The following SNRNP48 variants were observed in gnomAD, a reference collection of about 807,000 sequenced individuals.
SNRNP48 encodes the protein U11/U12 small nuclear ribonucleoprotein 48 kDa protein.
In SNRNP48, 43 loss-of-function variants were observed where a neutral mutation model predicts 47.0. The ratio of observed to expected loss-of-function variants is 0.92; its 90% CI spans 0.72 to 1.18. The LOEUF (loss-of-function observed/expected upper bound fraction) is 1.18, where lower values mean the gene tolerates loss of function less well. Among genes scored for constraint, SNRNP48 ranks in the 50% most tolerant of loss-of-function variants. The pLI is 0.00. For missense variants in SNRNP48, 396 were observed against 422.2 expected, an observed-to-expected ratio of 0.94 and a Z score of 0.54; for synonymous variants, 138 against 144.0, an observed-to-expected ratio of 0.96 and a Z score of 0.30.
At chr6:7,601,265 GATA>G in intron 4 of SNRNP48, 68 bp from the exon 5 acceptor site, 3 of 1,258,544 alleles carry the variant, frequency 2.4e-6, no homozygotes, top group South Asian at 3.0e-5. Context: ...CATGTTTAAA[GATA>G]ATTATTAGAT....
chr6:7,602,885 C>T (rs1297650728), intron 6 of SNRNP48, 141 bp downstream of exon 6: 1 of 626,874 alleles, frequency 1.6e-6, no homozygotes, highest in African/African-American at 1.9e-5. Flanking sequence ...TGTTCCATCA[C>T]TTCTAGATCC....
Position 7,594,122 on chromosome 6 carries a change from T to C in SNRNP48, c.294T>C (p.Phe98=). ...AGGATGAAATGTATAATCCTGAGTT[T>C]TTCTATGAAAATGTGAAGATACCTT... The part of the protein sequence containing the change: ...EEEDEMYNPE[F]FYENVKIPSI... Residue 98 remains phenylalanine, a synonymous_variant, in exon 3 of 9, where the codon TTT becomes TTC. Transcript: ENST00000342415. 1 of 1,432,216 alleles carries C rather than the reference T, an allele frequency of 7.0e-7. No individual in the cohort carries two copies. The highest frequency in any genetic ancestry group is 9.5e-7 in the Non-Finnish European group (1 of 1,056,482). The allele number at this position is 1,432,216 out of a possible 1,614,324, so 88.7% of individuals were successfully genotyped here.
chr6:7,608,147 G>A (rs1760166590), intron 8 of SNRNP48, among the ~76,000 whole-genome samples: 1 of 151,984 alleles, frequency 6.6e-6, no homozygotes, highest in South Asian at 2.1e-4. Context: ...CCAACCCTGG[G>A]GTGGACTGAA....
In SNRNP48 at chr6:7,594,140, G is replaced by A; in HGVS notation, c.312G>A (p.Lys104=). 1 of 1,405,608 alleles carries A rather than the reference G, an allele frequency of 7.1e-7. No individual in the cohort carries two copies. The highest frequency in any genetic ancestry group is 2.5e-5 in the East Asian group (1 of 40,268). 87.1% of individuals were successfully genotyped at this position (1,405,608 alleles called of 1,614,324 possible). ...CTGAGTTTTTCTATGAAAATGTGAA[G>A]ATACCTTCGATTACTTTGAGTAAGT... ...YNPEFFYENV[K]IPSITLNKDS... The change falls in exon 3 of 9, where the codon AAG becomes AAA. Residue 104 remains lysine, a synonymous_variant. Transcript: ENST00000342415.
intron 3 of SNRNP48, 91 bp from the exon 4 acceptor site, chr6:7,594,936 C>T: frequency 1.8e-6 from 2 of 1,082,124 alleles, no homozygotes; most frequent in Non-Finnish European, 2.7e-6. Flanking sequence ...TGTCCACGTG[C>T]CCAAAGGGCT....
chr6:7,593,896 CA>C, intron 2 of SNRNP48, 49 bp downstream of exon 2: 3 of 1,310,192 alleles, frequency 2.3e-6, no homozygotes, highest in Non-Finnish European at 3.1e-6. Context: ...ATGCATTTTA[CA>C]CATTAATTCA....
At chr6:7,591,775 A>G (rs1759823030) in intron 1 of SNRNP48, among the ~76,000 whole-genome samples, 2 of 152,246 alleles carry the variant, frequency 1.3e-5, no homozygotes, top group South Asian at 4.1e-4. Flanking sequence ...AGACGAGGAA[A>G]GGAACACAGA....
At chr6:7,595,669 T>C (rs1759892572) in intron 4 of SNRNP48, among the ~76,000 whole-genome samples, 1 of 152,174 alleles carries the variant, frequency 6.6e-6, no homozygotes, top group African/African-American at 2.4e-5. Flanking sequence ...AGTGTTGAAA[T>C]GCAGTGTAAA....
At chr6:7,594,323 T>C (rs549583934) in intron 3 of SNRNP48, among the ~76,000 whole-genome samples, 164 bp downstream of exon 3, 20 of 152,362 alleles carry the variant, frequency 1.3e-4, no homozygotes, top group African/African-American at 4.6e-4. Flanking sequence ...CTAATTCACA[T>C]AATCTGAAGT....
At chr6:7,605,010 T>A (rs1272829682) in intron 6 of SNRNP48, among the ~76,000 whole-genome samples, 1 of 148,770 alleles carries the variant, frequency 6.7e-6, no homozygotes, top group African/African-American at 2.4e-5. Context: ...TCATTGGCAC[T>A]CTCTCTCTCT....
At chr6:7,601,705 G>T (rs775837318) in intron 5 of SNRNP48, among the ~76,000 whole-genome samples, 181 bp downstream of exon 5, 1 of 152,110 alleles carries the variant, frequency 6.6e-6, no homozygotes, top group Non-Finnish European at 1.5e-5. Flanking sequence ...TTTGACCAAC[G>T]GTGGATTGAA....
At chr6:7,601,154 A>T (rs1402772091) in intron 4 of SNRNP48, 182 bp from the exon 5 acceptor site, 1 of 474,626 alleles carries the variant, frequency 2.1e-6, no homozygotes, top group African/African-American at 2.1e-5. Context: ...TGTGGATATA[A>T]CATTCAGGAT....
At chr6:7,604,345 C>T (rs893987131) in intron 6 of SNRNP48, among the ~76,000 whole-genome samples, 1 of 152,194 alleles carries the variant, frequency 6.6e-6, no homozygotes, top group South Asian at 2.1e-4. Context: ...GGTGGAAGAA[C>T]TAGCATTCTG....
In SNRNP48 at chr6:7,595,062, A is replaced by G; in HGVS notation, c.367A>G (p.Arg123Gly). 1.2e-6 allele frequency: 2 copies of G among 1,600,962 alleles called. No individual in the cohort carries two copies. Among genetic ancestry groups the G allele is most frequent in the Non-Finnish European group, 1.7e-6 (2 of 1,175,842 alleles). ...DSQFQIIKQA[R>G]TAVGKDSDCY... ...ACAATTCCAGATAATTAAACAAGCT[A>G]GAACTGCAGTTGGGAAAGACAGTGA... Residue 123 changes from arginine to glycine, a missense_variant, in exon 4 of 9, where the codon AGA becomes GGA. Transcript: ENST00000342415.
chr6:7,599,800 C>T, intron 4 of SNRNP48: 1 of 1,242,638 alleles, frequency 8.0e-7, no homozygotes, highest in Non-Finnish European at 1.0e-6. Flanking sequence ...TAATACCTGT[C>T]ACATATTATA....
Position 7,601,275 on chromosome 6 carries a change from A to G in SNRNP48, c.407-61A>G, listed in dbSNP as rs576526230. On this transcript the variant is annotated intron_variant, in intron 4 of 8. Coordinates refer to ENST00000342415, the MANE Select transcript of SNRNP48 (RefSeq NM_152551.4). ...AAGCACATGTTTAAAGATAATTATT[A>G]GATTTTAAGTTCACAATGCTTCATG... The G allele has an allele frequency of 2.8e-5, 38 of 1,335,734 alleles. No homozygotes were observed. The African/African-American group carries it at 5.0e-4, about 18-fold the overall frequency. 82.7% of individuals were successfully genotyped at this position (1,335,734 alleles called of 1,614,324 possible). A position where few individuals can be genotyped will look rare whatever the true frequency, so the allele number is the denominator to read the frequency against.
Position 7,594,159 on chromosome 6 carries a change from A to G in SNRNP48, c.331A>G (p.Asn111Asp). The G allele has an allele frequency of 7.6e-7, 1 of 1,312,804 alleles. No individual in the cohort carries two copies. Among genetic ancestry groups the G allele is most frequent in the Non-Finnish European group, 1.0e-6 (1 of 957,130 alleles). 81.3% of individuals were successfully genotyped at this position (1,312,804 alleles called of 1,614,324 possible). The change falls in exon 3 of 9, where the codon AAT (asparagine) becomes GAT (aspartate). Residue 111 changes from asparagine to aspartate, a missense_variant and splice_region_variant. Coordinates refer to ENST00000342415, the MANE Select transcript of SNRNP48 (RefSeq NM_152551.4). ...ENVKIPSITL[N>D]KDSQFQIIKQ... ...TGTGAAGATACCTTCGATTACTTTG[A>G]GTAAGTATTAAGTTATTATAATTTA...
At chr6:7,599,474 G>A (rs568682089) in intron 4 of SNRNP48, among the ~76,000 whole-genome samples, 1 of 152,104 alleles carries the variant, frequency 6.6e-6, no homozygotes, top group South Asian at 2.1e-4. Flanking sequence ...CAGCCAAAGG[G>A]TCTTAGAGTT....
chr6:7,592,776 G>A (rs1394000459), intron 1 of SNRNP48, among the ~76,000 whole-genome samples: 1 of 152,086 alleles, frequency 6.6e-6, no homozygotes, highest in Non-Finnish European at 1.5e-5. Flanking sequence ...GTAGTCAGGA[G>A]ATGGTGTTGT....
Sources: allele counts gnomAD v4.1 joint callset (sites outside exome capture counted in the v4.1 genomes callset), GRCh38; gene constraint gnomAD v4.1.1; transcripts MANE v1.5; gene names NCBI Gene and HGNC (gene_info 2026-07-23, HGNC 2026-07-21).